The following NCKAP5 variants were observed in gnomAD, a reference collection of about 807,000 sequenced individuals.
The protein encoded by NCKAP5 is NCK associated protein 5.
A neutral mutation model predicts 167.0 loss-of-function variants in NCKAP5; 92 were observed. The observed-to-expected ratio is 0.55, with a 90% CI of 0.47 to 0.66. The LOEUF (loss-of-function observed/expected upper bound fraction) is 0.66, where lower values mean the gene tolerates loss of function less well. Among genes scored for constraint, NCKAP5 ranks in the 30% least tolerant of loss-of-function variants. The probability of loss-of-function intolerance (pLI) is 0.00; values close to 1 mark genes in which losing one functional copy is unlikely to be tolerated. For missense variants in NCKAP5, 2,378 were observed against 2,315.0 expected (o/e 1.03, Z -0.56); for synonymous variants, 891 against 877.4 (o/e 1.02, Z -0.27).
intron 7 of NCKAP5, among the ~76,000 whole-genome samples, chr2:132,964,157 A>C (rs2076595434): frequency 6.6e-6 from 1 of 152,212 alleles, no homozygotes; most frequent in South Asian, 2.1e-4. Flanking sequence ...TGGTTAATCC[A>C]ATTTTATCTG....
At chr2:132,816,086 A>C (rs1396493524) in intron 11 of NCKAP5, among the ~76,000 whole-genome samples, 1 of 152,132 alleles carries the variant, frequency 6.6e-6, no homozygotes, top group East Asian at 1.9e-4. Context: ...CTTTAGGGAT[A>C]ATAATACCAA....
chr2:133,461,601 T>C (rs572621399), intron 3 of NCKAP5, among the ~76,000 whole-genome samples: 2 of 152,202 alleles, frequency 1.3e-5, no homozygotes, highest in East Asian at 1.9e-4. Context: ...ATGGTCAACA[T>C]GTGTGTGGTT....
At chr2:133,305,270 A>G (rs1680697549) in intron 3 of NCKAP5, among the ~76,000 whole-genome samples, 1 of 152,206 alleles carries the variant, frequency 6.6e-6, no homozygotes, top group African/African-American at 2.4e-5. Flanking sequence ...CTTTAGTATC[A>G]AAGAGACTGA....
chr2:133,253,056 C>T (rs1444552770), intron 4 of NCKAP5, among the ~76,000 whole-genome samples: 1 of 152,156 alleles, frequency 6.6e-6, no homozygotes, highest in African/African-American at 2.4e-5. Context: ...GTAAAGATGC[C>T]AACCTCACCA....
the NCKAP5 span, among the ~76,000 whole-genome samples, chr2:133,667,762 C>A: frequency 2.6e-5 from 4 of 151,992 alleles, no homozygotes; most frequent in Admixed American, 2.6e-4. Flanking sequence ...CCTTCAATAG[C>A]ATTTTTAATC....
intron 8 of NCKAP5, among the ~76,000 whole-genome samples, chr2:132,938,010 G>A (rs1696986815): frequency 1.3e-5 from 2 of 152,188 alleles, no homozygotes; most frequent in African/African-American, 2.4e-5. Context: ...ATGTTTCAAC[G>A]TGGACTAAAC....
In NCKAP5 at chr2:133,178,829, CAAA is replaced by C. The variant is rs66552853; in HGVS notation, c.207+34884_207+34886del. ...AACAGAGCAAGGCAAGACTCCGTCT[CAAA>C]AAAAAAAAAAAAAAAAAAAAACCCA... On this transcript the variant is annotated intron_variant, in intron 5 of 19. Transcript: ENST00000409261. 6.3e-3 allele frequency among the ~76,000 whole-genome samples: 371 copies of C among 58,814 alleles called. 1 individual carries two copies. Among genetic ancestry groups the C allele is most frequent in the African/African-American group, 0.023 (332 of 14,358 alleles). 38.6% of individuals were successfully genotyped at this position (58,814 alleles called of 152,430 possible). A position where few individuals can be genotyped will look rare whatever the true frequency, so the allele number is the denominator to read the frequency against.
At chr2:133,545,196 A>AT (rs888970799) in intron 2 of NCKAP5, among the ~76,000 whole-genome samples, 9 of 152,156 alleles carry the variant, frequency 5.9e-5, no homozygotes, top group African/African-American at 2.2e-4. Flanking sequence ...TTCTTCATCT[A>AT]TTTTTCTTCA....
intron 3 of NCKAP5, among the ~76,000 whole-genome samples, chr2:133,347,952 T>A (rs1374428560): frequency 6.6e-6 from 1 of 152,208 alleles, no homozygotes; most frequent in Non-Finnish European, 1.5e-5. Context: ...TGAACCAAAG[T>A]GACAAACCTT....
the NCKAP5 span, among the ~76,000 whole-genome samples, chr2:133,619,173 G>T: frequency 9.4e-6 from 1 of 106,294 alleles, no homozygotes; most frequent in East Asian, 3.3e-4. Flanking sequence ...GGGGAGGGGG[G>T]AGGGATAGCA....
chr2:132,735,836 G>T (rs1367598227), intron 16 of NCKAP5, among the ~76,000 whole-genome samples: 1 of 152,218 alleles, frequency 6.6e-6, no homozygotes. Flanking sequence ...GTAGTTGCAG[G>T]AAATAGGCCA....
chr2:132,772,468 G>A (rs1281936670), intron 16 of NCKAP5, among the ~76,000 whole-genome samples: 2 of 152,220 alleles, frequency 1.3e-5, no homozygotes, highest in South Asian at 2.1e-4. Context: ...GTTCTCTTAG[G>A]AAAAATTCAG....
intron 3 of NCKAP5, among the ~76,000 whole-genome samples, chr2:133,469,830 T>C (rs866812367): frequency 7.2e-5 from 11 of 151,796 alleles, no homozygotes; most frequent in African/African-American, 1.5e-4. Context: ...ACATTCTTCA[T>C]GTAGTTCTCG....
chr2:133,259,469 A>G (rs1269816366), intron 4 of NCKAP5, among the ~76,000 whole-genome samples: 1 of 152,244 alleles, frequency 6.6e-6, no homozygotes, highest in African/African-American at 2.4e-5. Flanking sequence ...TTTAATGAAA[A>G]TAAGATGAGT....
intron 8 of NCKAP5, among the ~76,000 whole-genome samples, chr2:132,960,273 G>A (rs2076472357): frequency 6.6e-6 from 1 of 152,210 alleles, no homozygotes; most frequent in Non-Finnish European, 1.5e-5. Context: ...CCATGACATG[G>A]CATGCAGAGA....
At chr2:133,050,696 A>G (rs2079571166) in intron 6 of NCKAP5, among the ~76,000 whole-genome samples, 1 of 152,216 alleles carries the variant, frequency 6.6e-6, no homozygotes, top group Non-Finnish European at 1.5e-5. Context: ...ACATTTTTAT[A>G]TCAAAATATG....
chr2:133,170,188 G>A (rs1476257101), intron 5 of NCKAP5, among the ~76,000 whole-genome samples: 4 of 152,168 alleles, frequency 2.6e-5, no homozygotes, highest in African/African-American at 9.7e-5. Flanking sequence ...CATTGCCTTT[G>A]GGGCTCCTTG....
intron 6 of NCKAP5, among the ~76,000 whole-genome samples, chr2:133,064,225 T>C (rs756238145): frequency 3.9e-5 from 6 of 152,244 alleles, no homozygotes; most frequent in Non-Finnish European, 7.3e-5. Context: ...CAAAACTGTA[T>C]ATAAACAAAT....
intron 16 of NCKAP5, among the ~76,000 whole-genome samples, chr2:132,755,869 T>TAAC (rs1306734175): frequency 2.6e-4 from 39 of 148,594 alleles, no homozygotes; most frequent in African/African-American, 9.6e-4. Context: ...ATAATAATAA[T>TAAC]AATAATAATA....
Sources: allele counts gnomAD v4.1 joint callset (sites outside exome capture counted in the v4.1 genomes callset), GRCh38; gene constraint gnomAD v4.1.1; transcripts MANE v1.5; gene names NCBI Gene and HGNC (gene_info 2026-07-23, HGNC 2026-07-21).